The following ZNF841 variants were observed in gnomAD, a reference collection of about 807,000 sequenced individuals.
ZNF841 encodes the protein TCONS_00006091.
A neutral mutation model predicts 13.0 loss-of-function variants in ZNF841; 11 were observed. The ratio of observed to expected loss-of-function variants is 0.85; its 90% CI spans 0.53 to 1.40. The LOEUF is 1.40. Ranked by LOEUF, ZNF841 falls within the 40% of genes most tolerant of loss-of-function variation. The pLI, the probability that ZNF841 is intolerant of heterozygous loss-of-function variation, is 0.00. For missense variants in ZNF841, 1,068 were observed against 1,139.5 expected (o/e 0.94, Z 0.90); for synonymous variants, 369 against 381.6 (o/e 0.97, Z 0.38).
Position 52,067,210 on chromosome 19 carries a change from T to G in ZNF841, c.672A>C (p.Gln224His). 1 of 1,550,112 alleles carries G rather than the reference T, an allele frequency of 6.5e-7. No homozygotes were observed. Among genetic ancestry groups the G allele is most frequent in the Non-Finnish European group, 8.7e-7 (1 of 1,146,502 alleles). ...TGGTTTGGACACCAGGAAAAATTCT[T>G]TGAAGTGGTGAAGCTAAAAAACAAT... ...VNNCFLASPL[Q>H]RIFPGVQTNI... The change falls in exon 7 of 7, where the codon CAA becomes CAC. Residue 224 changes from glutamine (Q) to histidine (H), a missense_variant. Transcript: ENST00000594440.
At chr19:52,076,303 C>T in intron 5 of ZNF841, 131 bp from the exon 6 acceptor site, 1 of 1,137,458 alleles carries the variant, frequency 8.8e-7, no homozygotes, top group South Asian at 1.6e-5. Context: ...TTGCCTCCTT[C>T]TGAATGCTTA....
intron 4 of ZNF841, among the ~76,000 whole-genome samples, chr19:52,082,824 T>C (rs1317353595): frequency 6.6e-6 from 1 of 152,202 alleles, no homozygotes; most frequent in East Asian, 1.9e-4. Context: ...CTGACACCTG[T>C]AATCCCAGCA....
At chr19:52,084,734 CT>C (rs1478711146) in intron 4 of ZNF841, 52 bp downstream of exon 4, 10 of 1,601,764 alleles carry the variant, frequency 6.2e-6, no homozygotes, top group South Asian at 2.2e-5. Context: ...CTCCAATGCC[CT>C]GCATTTCAAA....
Position 52,067,687 on chromosome 19 carries a change from G to A in ZNF841, c.272-77C>T, listed in dbSNP as rs573557651. 287 of 1,040,050 alleles carry A rather than the reference G, an allele frequency of 2.8e-4. 1 individual carries two copies. The highest frequency in any genetic ancestry group is 2.7e-4 in the Non-Finnish European group (205 of 771,160). 64.4% of individuals were successfully genotyped at this position (1,040,050 alleles called of 1,614,324 possible). On this transcript the variant is annotated intron_variant, in intron 6 of 6. Transcript: ENST00000594440. The stretch of plus-strand genomic sequence containing the variant: ...TTATTTTATACTGAAAACACACTAC[G>A]CTAAACATAATGTTTATACTAGCAA...
rs1277019450 is a variant in ZNF841 at position 52,065,514 on chromosome 19, C to T, written c.2368G>A (p.Glu790Lys). 14 of 1,614,066 alleles carry T rather than the reference C, an allele frequency of 8.7e-6. No individual in the cohort carries two copies. The highest frequency in any genetic ancestry group is 1.2e-5 in the Non-Finnish European group (14 of 1,180,034). The change falls in exon 7 of 7, where the codon GAG becomes AAG. Residue 790 changes from glutamate (E) to lysine (K), a missense_variant. Coordinates refer to ENST00000594440, the MANE Select transcript of ZNF841 (RefSeq NM_001136499.2). ...CACTCATTACATTTGTAAGGTTTCT[C>T]TCCAGTATGAATACTCCAATGACGT... ...LARHWSIHTG[E>K]KPYKCNECGK...
intron 6 of ZNF841, among the ~76,000 whole-genome samples, chr19:52,070,191 G>C (rs2087699349): frequency 6.6e-6 from 1 of 152,184 alleles, no homozygotes; most frequent in Non-Finnish European, 1.5e-5. Context: ...CAAATATCAA[G>C]AGTGTAGAAA....
chr19:52,062,183 C>T (rs879498085), downstream of ZNF841, among the ~76,000 whole-genome samples: 2 of 152,138 alleles, frequency 1.3e-5, no homozygotes, highest in African/African-American at 2.4e-5. Flanking sequence ...TATTGCACTC[C>T]AGCCTGGGCA....
chr19:52,079,531 A>C (rs1023449428), intron 4 of ZNF841, among the ~76,000 whole-genome samples: 1 of 151,278 alleles, frequency 6.6e-6, no homozygotes, highest in Non-Finnish European at 1.5e-5. Flanking sequence ...AAGTAAGAGA[A>C]AAGGGGGTTT....
intron 2 of ZNF841, among the ~76,000 whole-genome samples, chr19:52,092,924 G>A (rs966297177): frequency 6.6e-6 from 1 of 152,214 alleles, no homozygotes; most frequent in Admixed American, 6.5e-5. Flanking sequence ...TTCGAGACCA[G>A]CCTGGCCAAC....
intron 6 of ZNF841, among the ~76,000 whole-genome samples, chr19:52,073,813 T>C (rs1009867817): frequency 6.6e-6 from 1 of 152,148 alleles, no homozygotes; most frequent in Non-Finnish European, 1.5e-5. Flanking sequence ...ACAGCATTTG[T>C]TCCAAGAAAG....
intron 6 of ZNF841, 21 bp downstream of exon 6, chr19:52,076,023 T>C (rs775599211): frequency 1.9e-5 from 30 of 1,551,648 alleles, no homozygotes; most frequent in African/African-American, 2.7e-5. Flanking sequence ...CCGCTTCCAT[T>C]GTGCCCATCT....
rs2087894294 is a variant in ZNF841 at position 52,076,160 on chromosome 19, G to C, written c.155C>G (p.Pro52Arg). 6.4e-7 allele frequency: 1 copy of C among 1,554,176 alleles called. No homozygotes were observed. The highest frequency in any genetic ancestry group is 2.4e-5 in the East Asian group (1 of 41,286). Residue 52 changes from proline to arginine, a missense_variant, in exon 6 of 7, where the codon CCT becomes CGT. Pro to Arg is a moderately radical substitution (Grantham distance 103). Transcript: ENST00000594440. The part of the protein sequence containing the change: ...RNLGFLGLCL[P>R]DLNIISMLEQ... ...CAACATGGAGATAATATTCAGGTCA[G>C]GAAGACAGAGTCCTGCTTATAAAAA...
At position 52,066,972 on chromosome 19, in the gene ZNF841, G is replaced by T; in HGVS notation, c.910C>A (p.Leu304Ile). Residue 304 changes from leucine (L) to isoleucine (I), a missense_variant, in exon 7 of 7, where the codon CTA (leucine) becomes ATA (isoleucine). Coordinates refer to ENST00000594440, the MANE Select transcript of ZNF841 (RefSeq NM_001136499.2). ...GTATGGACTATCTGATGTACTGTTA[G>T]TAGTGAGCCCCGATGAAAGGCTTTA... ...SGKAFHRGSL[L>I]TVHQIVHTRG... 1 of 1,614,146 alleles carries T rather than the reference G, an allele frequency of 6.2e-7. No individual in the cohort carries two copies. The highest frequency in any genetic ancestry group is 8.5e-7 in the Non-Finnish European group (1 of 1,180,018).
At chr19:52,093,644 A>G (rs1300429789) in intron 2 of ZNF841, among the ~76,000 whole-genome samples, 1 of 152,234 alleles carries the variant, frequency 6.6e-6, no homozygotes, top group Admixed American at 6.5e-5. Flanking sequence ...GGCACTTAAT[A>G]TTCAGAAATG....
intron 4 of ZNF841, among the ~76,000 whole-genome samples, chr19:52,081,894 A>C (rs1195930909): frequency 6.6e-6 from 1 of 152,224 alleles, no homozygotes; most frequent in Non-Finnish European, 1.5e-5. Context: ...TTAAAAATAC[A>C]ATAACTGAGT....
chr19:52,070,306 C>T (rs889679983), intron 6 of ZNF841, among the ~76,000 whole-genome samples: 1 of 152,046 alleles, frequency 6.6e-6, no homozygotes, highest in Admixed American at 6.6e-5. Context: ...GGGGCGAATG[C>T]GGGAATAAAA....
In ZNF841 at chr19:52,077,021, G is replaced by C. The variant is rs1283462270; in HGVS notation, c.79C>G (p.Pro27Ala). ...TCCCTGTACAAAGCTTTCTGAACAG[G>C]GTCCAGGCATTTCCACTCCTCCTGA... ...FSQEEWKCLD[P>A]VQKALYRDVM... is the part of the protein sequence containing the mutation. The change falls in exon 5 of 7, where the codon CCT (proline) becomes GCT (alanine). Residue 27 changes from proline (P) to alanine (A), a missense_variant. Physicochemically the swap from Pro to Ala is conservative, Grantham distance 27. Transcript: ENST00000594440. The C allele has an allele frequency of 6.2e-7, 1 of 1,613,242 alleles. No individual in the cohort carries two copies. The highest frequency in any genetic ancestry group is 8.5e-7 in the Non-Finnish European group (1 of 1,179,582).
rs2087538369 is a variant in ZNF841 at position 52,065,895 on chromosome 19, T to C, written c.1987A>G (p.Thr663Ala). 3.1e-6 allele frequency: 5 copies of C among 1,614,050 alleles called. No individual in the cohort carries two copies. The highest frequency in any genetic ancestry group is 4.2e-6 in the Non-Finnish European group (5 of 1,180,026). Residue 663 changes from threonine to alanine, a missense_variant, in exon 7 of 7, where the codon ACT becomes GCT. Physicochemically the swap from Thr to Ala is moderately conservative, Grantham distance 58 (BLOSUM62 0). Coordinates refer to ENST00000594440, the MANE Select transcript of ZNF841 (RefSeq NM_001136499.2). ...TGTTTAGTGAGGCTTGAACGCTGAG[T>C]ATAGGCTTTGCCACAATCATTACAT... ...YKCNDCGKAY[T>A]QRSSLTKHLV...
chr19:52,065,123 G>A lies in ZNF841; in HGVS notation c.2759C>T (p.Ser920Phe). ...AAGTATAAATTATTTGGGGATCCCA[G>A]AGGTTAGGACAACATCTAACGGCCT... ...VERPLDVVLTSGIPK is the reference protein window; with the variant it reads ...VERPLDVVLTFGIPK The change falls in exon 7 of 7, where the codon TCT (serine) becomes TTT (phenylalanine). Residue 920 changes from serine (S) to phenylalanine (F), a missense_variant. Transcript: ENST00000594440. The A allele has an allele frequency of 2.0e-6, 3 of 1,527,762 alleles. No individual in the cohort carries two copies. The highest frequency in any genetic ancestry group is 2.6e-5 in the South Asian group (2 of 75,608). 94.6% of individuals were successfully genotyped at this position (1,527,762 alleles called of 1,614,324 possible). A position where few individuals can be genotyped will look rare whatever the true frequency, so the allele number is the denominator to read the frequency against.
Sources: gnomAD v4.1 joint callset for allele counts (sites outside exome capture counted in the v4.1 genomes callset) on GRCh38, gnomAD v4.1.1 for gene constraint, MANE v1.5 for transcripts, NCBI Gene and HGNC (gene_info 2026-07-23, HGNC 2026-07-21) for gene names.